The following HNF4G variants were observed in gnomAD, a reference collection of about 807,000 sequenced individuals.
The protein encoded by HNF4G is hepatocyte nuclear factor 4 gamma, also known as hepatocyte nuclear factor 4-gamma.
A neutral mutation model predicts 50.9 loss-of-function variants in HNF4G; 21 were observed. The observed-to-expected ratio is 0.41, with a 90% CI of 0.29 to 0.59. The LOEUF (loss-of-function observed/expected upper bound fraction) is 0.59. Among genes scored for constraint, HNF4G ranks in the 20% least tolerant of loss-of-function variants. HNF4G has a pLI of 0.26. For missense variants in HNF4G, 527 were observed against 559.4 expected, an observed-to-expected ratio of 0.94 and a Z score of 0.58; for synonymous variants, 198 against 185.6, an observed-to-expected ratio of 1.07 and a Z score of -0.54.
intron 4 of HNF4G, among the ~76,000 whole-genome samples, chr8:75,551,811 A>T (rs1806967606): frequency 6.6e-6 from 1 of 152,184 alleles, no homozygotes; most frequent in African/African-American, 2.4e-5. Context: ...TATTTTATTG[A>T]TGGAATCTGT....
chr8:75,431,248 T>C (rs2980242), intron 1 of HNF4G, among the ~76,000 whole-genome samples: 73,767 of 151,872 alleles, frequency 0.49, 18,187 homozygotes, highest in Middle Eastern at 0.57. Flanking sequence ...ATACATCTAA[T>C]TGGAGAGCCA....
intron 2 of HNF4G, among the ~76,000 whole-genome samples, chr8:75,510,176 T>C (rs1805712979): frequency 6.6e-6 from 1 of 151,738 alleles, no homozygotes; most frequent in East Asian, 1.9e-4. Flanking sequence ...AACAAAAGTT[T>C]AAAAAGTAAA....
chr8:75,457,263 A>G (rs1307416637), intron 1 of HNF4G, among the ~76,000 whole-genome samples: 1 of 152,178 alleles, frequency 6.6e-6, no homozygotes, highest in African/African-American at 2.4e-5. Flanking sequence ...TACATACCAC[A>G]TAATCTAAAA....
chr8:75,440,463 A>G (rs1308707504), intron 1 of HNF4G, among the ~76,000 whole-genome samples: 2 of 152,222 alleles, frequency 1.3e-5, no homozygotes, highest in African/African-American at 2.4e-5. Context: ...AAAACCATCT[A>G]TGAATTGTTT....
At chr8:75,475,720 C>T (rs1265426033) in intron 1 of HNF4G, among the ~76,000 whole-genome samples, 5 of 151,740 alleles carry the variant, frequency 3.3e-5, no homozygotes, top group Non-Finnish European at 7.4e-5. Context: ...TTTATTTTTT[C>T]ATTTATTGTT....
chr8:75,425,559 TATATA>T (rs1231187263), intron 1 of HNF4G, among the ~76,000 whole-genome samples: 4 of 147,946 alleles, frequency 2.7e-5, no homozygotes, highest in South Asian at 2.1e-4. Context: ...TTACATATAT[TATATA>T]ATATATGTTA....
intron 1 of HNF4G, among the ~76,000 whole-genome samples, chr8:75,445,757 A>G (rs1176959345): frequency 1.1e-3 from 156 of 145,244 alleles, no homozygotes; most frequent in African/African-American, 4.0e-3. Flanking sequence ...GAATAGACCA[A>G]TAACAGGAGC....
At chr8:75,562,002 C>A (rs925753700) in intron 9 of HNF4G, among the ~76,000 whole-genome samples, 2 of 152,122 alleles carry the variant, frequency 1.3e-5, no homozygotes, top group Admixed American at 6.6e-5. Flanking sequence ...CCCAGATTTA[C>A]CTTTGATCTA....
At chr8:75,522,799 A>C (rs2130749076) in intron 2 of HNF4G, among the ~76,000 whole-genome samples, 1 of 152,278 alleles carries the variant, frequency 6.6e-6, no homozygotes, top group Admixed American at 6.5e-5. Flanking sequence ...GTAGAGCGAT[A>C]TTTCATATAA....
At chr8:75,518,158 T>TC (rs2130739743) in intron 2 of HNF4G, among the ~76,000 whole-genome samples, 1 of 95,626 alleles carries the variant, frequency 1.0e-5, no homozygotes, top group African/African-American at 4.3e-5. Context: ...CCCACAACAG[T>TC]CCCCGGTGTG....
chr8:75,447,708 A>G (rs1811458326), intron 1 of HNF4G, among the ~76,000 whole-genome samples: 1 of 151,810 alleles, frequency 6.6e-6, no homozygotes, highest in African/African-American at 2.4e-5. Context: ...GTCATCAGAG[A>G]AATGCAAATC....
chr8:75,478,392 C>A (rs957032047), intron 1 of HNF4G, among the ~76,000 whole-genome samples: 1 of 152,206 alleles, frequency 6.6e-6, no homozygotes, highest in South Asian at 2.1e-4. Context: ...CGCAGGCATT[C>A]TAAAGTCCTA....
Position 75,534,285 on chromosome 8 carries a change from T to C in HNF4G, c.-23-9526T>C, listed in dbSNP as rs555295326. 4.6e-5 allele frequency among the ~76,000 whole-genome samples: 7 copies of C among 152,062 alleles called. No individual in the cohort carries two copies. In the South Asian group the frequency reaches 1.2e-3, roughly 27 times the overall value. ...CCACACTTCAGTTTCCTTACCAGTA[T>C]AATCTACATTCCAGTTAATAATTTA... is the stretch of plus-strand genomic sequence containing the variant. On this transcript the variant is annotated intron_variant, in intron 2 of 10. Coordinates refer to the HNF4G transcript ENST00000354370.
chr8:75,519,193 T>C (rs1383437551), intron 2 of HNF4G, among the ~76,000 whole-genome samples: 1 of 152,204 alleles, frequency 6.6e-6, no homozygotes, highest in Non-Finnish European at 1.5e-5. Context: ...TCACCTTTGC[T>C]CCAGTTCCCA....
At chr8:75,495,775 T>C (rs1347431486) in intron 2 of HNF4G, among the ~76,000 whole-genome samples, 1 of 152,094 alleles carries the variant, frequency 6.6e-6, no homozygotes, top group Admixed American at 6.6e-5. Flanking sequence ...TGGCCTCAAG[T>C]GATCTGCCCG....
chr8:75,542,559 G>A (rs897234863), intron 1 of HNF4G, among the ~76,000 whole-genome samples: 4 of 150,464 alleles, frequency 2.7e-5, no homozygotes, highest in Admixed American at 6.6e-5. Flanking sequence ...AAAAAAAGAC[G>A]GTATTGCTGG....
At chr8:75,487,497 A>G (rs902820923) in intron 1 of HNF4G, among the ~76,000 whole-genome samples, 7 of 152,194 alleles carry the variant, frequency 4.6e-5, no homozygotes, top group African/African-American at 1.7e-4. Flanking sequence ...CACTCTTACT[A>G]TCCAATCACA....
At chr8:75,547,000 G>A (rs1029056182) in intron 2 of HNF4G, among the ~76,000 whole-genome samples, 1 of 152,044 alleles carries the variant, frequency 6.6e-6, no homozygotes, top group Non-Finnish European at 1.5e-5. Flanking sequence ...GTGTATGAGG[G>A]CTCCAATTTT....
At chr8:75,458,349 G>C (rs1811770617) in intron 1 of HNF4G, among the ~76,000 whole-genome samples, 1 of 148,112 alleles carries the variant, frequency 6.8e-6, no homozygotes, top group African/African-American at 2.5e-5. Context: ...ACTACTGTTG[G>C]TTTATGTTTA....
Sources: allele counts gnomAD v4.1 joint callset (sites outside exome capture counted in the v4.1 genomes callset), GRCh38; gene constraint gnomAD v4.1.1; transcripts MANE v1.5; gene names NCBI Gene and HGNC (gene_info 2026-07-23, HGNC 2026-07-21).